Variants in SLCO3A1 observed in about 807,000 individuals in gnomAD.
The protein encoded by SLCO3A1 is PGE1 transporter.
In SLCO3A1, 27 loss-of-function variants were observed where a neutral mutation model predicts 63.1. That is an observed-to-expected ratio of 0.43 (90% CI 0.32 to 0.59). The LOEUF (loss-of-function observed/expected upper bound fraction) is 0.59. Among genes scored for constraint, SLCO3A1 ranks in the 20% least tolerant of loss-of-function variants. The probability of loss-of-function intolerance (pLI) is 0.09; values close to 1 mark genes in which losing one functional copy is unlikely to be tolerated. For synonymous variants in SLCO3A1, 473 were observed against 409.9 expected (o/e 1.15, Z -1.86); for missense variants, 773 against 945.8 (o/e 0.82, Z 2.40).
Position 92,163,253 on chromosome 15 carries a change from A to G in SLCO3A1, c.*118A>G. On this transcript the variant is annotated 3_prime_UTR_variant, in exon 10 of 10. Coordinates refer to ENST00000318445, the MANE Select transcript of SLCO3A1 (RefSeq NM_013272.4). ...AGTACACACACACAGGCACAGATGCACACACACGCAGACAGACACACCGAC... is the reference window on the plus strand; with the variant it reads ...AGTACACACACACAGGCACAGATGCGCACACACGCAGACAGACACACCGAC... The G allele has an allele frequency of 2.1e-6, 3 of 1,400,828 alleles. No individual in the cohort carries two copies. Among genetic ancestry groups the G allele is most frequent in the East Asian group, 2.6e-5 (1 of 37,926 alleles). The allele number at this position is 1,400,828 out of a possible 1,614,324, so 86.8% of individuals were successfully genotyped here. A position where few individuals can be genotyped will look rare whatever the true frequency, so the allele number is the denominator to read the frequency against.
intron 2 of SLCO3A1, among the ~76,000 whole-genome samples, chr15:92,092,829 G>A (rs187717802): frequency 6.0e-4 from 92 of 152,232 alleles, no homozygotes; most frequent in Admixed American, 5.3e-3. Flanking sequence ...CAGAGATAAT[G>A]TGCTGATCAT....
Position 91,925,987 on chromosome 15 carries a change from C to T in SLCO3A1, c.646+9529C>T, listed in dbSNP as rs531214565. ...TCATAGGAGTTGGTCTGGATTGCTT[C>T]CCTCTTGAGGTATAACCAAGCATCT... is the stretch of plus-strand genomic sequence containing the variant. On this transcript the variant is annotated intron_variant, in intron 2 of 9. Transcript: ENST00000318445. 1.9e-3 allele frequency among the ~76,000 whole-genome samples: 294 copies of T among 152,332 alleles called. No individual in the cohort carries two copies. In the Middle Eastern group the frequency reaches 0.031, roughly 16 times the overall value.
chr15:92,053,833 G>A (rs1264411294), intron 2 of SLCO3A1, among the ~76,000 whole-genome samples: 1 of 151,908 alleles, frequency 6.6e-6, no homozygotes, highest in Non-Finnish European at 1.5e-5. Flanking sequence ...TGGGGGTATT[G>A]GCTGAGGGAG....
At chr15:92,042,662 A>G (rs972585015) in intron 2 of SLCO3A1, among the ~76,000 whole-genome samples, 2 of 152,126 alleles carry the variant, frequency 1.3e-5, no homozygotes, top group Non-Finnish European at 2.9e-5. Context: ...TGCAACTTTA[A>G]TGTGCCTCAA....
At chr15:91,921,372 G>A (rs557860684) in intron 2 of SLCO3A1, among the ~76,000 whole-genome samples, 1 of 152,174 alleles carries the variant, frequency 6.6e-6, no homozygotes, top group South Asian at 2.1e-4. Flanking sequence ...TGATGTACTG[G>A]GGGTTAGGGC....
At chr15:91,962,526 G>C (rs1010447354) in intron 2 of SLCO3A1, among the ~76,000 whole-genome samples, 4 of 147,560 alleles carry the variant, frequency 2.7e-5, no homozygotes, top group African/African-American at 9.9e-5. Flanking sequence ...TGTGGCCTGA[G>C]AAAGAAAACA....
chr15:91,952,721 C>T lies in SLCO3A1; in HGVS notation c.646+36263C>T, dbSNP rs148780716. Among the ~76,000 whole-genome samples, 577 of 152,300 alleles carry T rather than the reference C, an allele frequency of 3.8e-3. 1 individual carries two copies. Among genetic ancestry groups the T allele is most frequent in the African/African-American group, 0.013 (546 of 41,562 alleles). On this transcript the variant is annotated intron_variant, in intron 2 of 9. Coordinates refer to ENST00000318445, the MANE Select transcript of SLCO3A1 (RefSeq NM_013272.4). Reference sequence around the variant, plus strand: ...AAATCAATAGGGTGACTCTGCAGAGCCCTGTAAACATGGTGTAATTACTGT... The same window carrying T: ...AAATCAATAGGGTGACTCTGCAGAGTCCTGTAAACATGGTGTAATTACTGT...
At chr15:92,149,135 C>G (rs1204403904) in intron 8 of SLCO3A1, 3 of 152,458 alleles carry the variant, frequency 2.0e-5, no homozygotes, top group Non-Finnish European at 4.4e-5. Flanking sequence ...TAGACGCTGA[C>G]TAGTGGTGAC....
intron 2 of SLCO3A1, among the ~76,000 whole-genome samples, chr15:92,038,199 T>C (rs2046751390): frequency 6.6e-6 from 1 of 152,162 alleles, no homozygotes; most frequent in Non-Finnish European, 1.5e-5. Context: ...ATGGAGATAA[T>C]GATCCCAGTC....
chr15:92,091,919 T>G (rs1452414419), intron 2 of SLCO3A1, among the ~76,000 whole-genome samples: 1 of 152,222 alleles, frequency 6.6e-6, no homozygotes, highest in Non-Finnish European at 1.5e-5. Context: ...AACCCACACC[T>G]TCTCATAGAG....
At chr15:92,159,305 T>C (rs112210360) in intron 9 of SLCO3A1, among the ~76,000 whole-genome samples, 3,709 of 152,044 alleles carry the variant, frequency 0.024, 143 homozygotes, top group African/African-American at 0.084. Context: ...GCCAACATAG[T>C]GAAACCCCGT....
At chr15:91,963,331 G>A (rs1207442759) in intron 2 of SLCO3A1, among the ~76,000 whole-genome samples, 2 of 145,514 alleles carry the variant, frequency 1.4e-5, no homozygotes, top group African/African-American at 5.1e-5. Context: ...AGTTATTATG[G>A]AGGCTACCCT....
chr15:92,011,746 G>T (rs1172010055), intron 2 of SLCO3A1, among the ~76,000 whole-genome samples: 1 of 152,214 alleles, frequency 6.6e-6, no homozygotes, highest in Non-Finnish European at 1.5e-5. Context: ...GGGCAGCATC[G>T]CTGGCTCCTA....
chr15:92,134,964 A>G (rs1446312693), intron 7 of SLCO3A1, among the ~76,000 whole-genome samples: 1 of 152,002 alleles, frequency 6.6e-6, no homozygotes, highest in Admixed American at 6.5e-5. Flanking sequence ...AAAAGATGTA[A>G]AAAAAATTAG....
intron 2 of SLCO3A1, among the ~76,000 whole-genome samples, chr15:92,049,098 T>C (rs1428172063): frequency 6.6e-6 from 1 of 152,152 alleles, no homozygotes. Context: ...CCCATGATCT[T>C]AGAGATGAGT....
At chr15:92,131,136 A>T (rs1388758333) in intron 7 of SLCO3A1, among the ~76,000 whole-genome samples, 1 of 152,156 alleles carries the variant, frequency 6.6e-6, no homozygotes, top group Non-Finnish European at 1.5e-5. Flanking sequence ...GCCCAAGGCC[A>T]TGCAATAGGA....
At chr15:92,119,425 T>A (rs892309663) in intron 4 of SLCO3A1, among the ~76,000 whole-genome samples, 5 of 152,200 alleles carry the variant, frequency 3.3e-5, no homozygotes, top group African/African-American at 1.2e-4. Context: ...AGAGCACTTT[T>A]GCCCATCACC....
chr15:92,169,676 A>G (rs543857211), downstream of SLCO3A1, among the ~76,000 whole-genome samples: 1 of 152,328 alleles, frequency 6.6e-6, no homozygotes, highest in South Asian at 2.1e-4. Context: ...GAAAGACCCC[A>G]GATACCTGCC....
intron 2 of SLCO3A1, among the ~76,000 whole-genome samples, chr15:92,090,930 A>C (rs1296465697): frequency 6.6e-6 from 1 of 152,152 alleles, no homozygotes; most frequent in African/African-American, 2.4e-5. Flanking sequence ...ACAGAAGAAG[A>C]AGCTGAGGCA....
Sources: gnomAD v4.1 joint callset for allele counts (sites outside exome capture counted in the v4.1 genomes callset) on GRCh38, gnomAD v4.1.1 for gene constraint, MANE v1.5 for transcripts, NCBI Gene and HGNC (gene_info 2026-07-23, HGNC 2026-07-21) for gene names.